The following HAPLN3 variants were observed in gnomAD, a reference collection of about 807,000 sequenced individuals.
HAPLN3 encodes the protein hyaluronan and proteoglycan link protein 3.
HAPLN3 carries 28 observed loss-of-function variants against 28.1 expected under a neutral mutation model. The ratio of observed to expected loss-of-function variants is 1.00; its 90% CI spans 0.74 to 1.37. HAPLN3 has a LOEUF of 1.37. Among genes scored for constraint, HAPLN3 ranks in the 40% most tolerant of loss-of-function variants. The probability of loss-of-function intolerance (pLI) is 0.00; values close to 1 mark genes in which losing one functional copy is unlikely to be tolerated. For missense variants in HAPLN3, 513 were observed against 504.6 expected, an observed-to-expected ratio of 1.02 and a Z score of -0.16; for synonymous variants, 211 against 213.1, an observed-to-expected ratio of 0.99 and a Z score of 0.09.
Position 88,888,141 on chromosome 15 carries a change from G to A in HAPLN3, c.-47-796C>T, listed in dbSNP as rs1336603785. ...TTTTGAGACAGAGTCTCGCTCTGTC[G>A]CCCAGGCTGGAGTGGAGGTTGCTCA... On this transcript the variant is annotated intron_variant, in intron 1 of 4. Coordinates refer to ENST00000359595, the MANE Select transcript of HAPLN3 (RefSeq NM_178232.4). The surrounding 1 kb of genome is among the most constrained non-coding windows in gnomAD (Gnocchi z 4.1). Among the ~76,000 whole-genome samples, 8 of 146,342 alleles carry A rather than the reference G, an allele frequency of 5.5e-5. No individual in the cohort carries two copies. In the East Asian group the frequency reaches 1.2e-3, roughly 22 times the overall value.
chr15:88,883,929 T>C (rs1275192887), intron 2 of HAPLN3, among the ~76,000 whole-genome samples: 2 of 151,826 alleles, frequency 1.3e-5, no homozygotes, highest in African/African-American at 4.8e-5. Context: ...AATACAAAAA[T>C]TAGCTGGGCA....
At chr15:88,893,950 GT>G (rs9286590) in intron 1 of HAPLN3, among the ~76,000 whole-genome samples, 13,350 of 63,010 alleles carry the variant, frequency 0.21, 1,310 homozygotes, top group African/African-American at 0.41. Flanking sequence ...AAAAGTTGGG[GT>G]GGGGGGGGCG....
chr15:88,886,284 G>C (rs1281926125), intron 2 of HAPLN3, among the ~76,000 whole-genome samples: 1 of 149,754 alleles, frequency 6.7e-6, no homozygotes, highest in Non-Finnish European at 1.5e-5. Context: ...CTGGGAGGCA[G>C]AGGCTGCAGT....
chr15:88,882,885 G>A (rs996208116), intron 2 of HAPLN3, among the ~76,000 whole-genome samples: 2 of 152,132 alleles, frequency 1.3e-5, no homozygotes, highest in East Asian at 1.9e-4. Context: ...AGATGCTTGT[G>A]GTCCCAGCTA....
In HAPLN3 at chr15:88,881,559, TG is replaced by T. The variant is rs773433514; in HGVS notation, c.290del (p.Pro97GlnfsTer11). The T allele has an allele frequency of 2.5e-6, 4 of 1,613,954 alleles. No individual in the cohort carries two copies. The African/African-American group carries it at 4.0e-5, about 16-fold the overall frequency. On this transcript the variant is annotated frameshift_variant, in exon 3 of 5. Coordinates refer to ENST00000359595, the MANE Select transcript of HAPLN3 (RefSeq NM_178232.4). LOFTEE classifies it high-confidence loss of function. This position sits in a 1 kb window ranked among gnomAD's most constrained non-coding sequence, Gnocchi z 6.0. ...KWWKLSENGA[P>X]EKDVLVAIGL... is the part of the protein sequence containing the mutation. ...CGATGGCCACCAGCACGTCCTTCTC[TG>T]GGGCCCCGTTCTCCGACAGCTTCCA...
At chr15:88,886,970 G>T (rs992278059) in intron 2 of HAPLN3, among the ~76,000 whole-genome samples, 2 of 152,174 alleles carry the variant, frequency 1.3e-5, no homozygotes, top group Admixed American at 1.3e-4. Flanking sequence ...TAAGTGAATT[G>T]GGCCCCATGA....
In HAPLN3 at chr15:88,877,819, T is replaced by A; in HGVS notation, c.*151A>T. ...GCAAAGGGAGGCATTGGGTTCTGTTTGCTTTACAAAAAATAGTAAAAAAAT... is the reference window on the plus strand; with the variant it reads ...GCAAAGGGAGGCATTGGGTTCTGTTAGCTTTACAAAAAATAGTAAAAAAAT... On this transcript the variant is annotated 3_prime_UTR_variant, in exon 5 of 5. Transcript: ENST00000359595. This position sits in a 1 kb window ranked among gnomAD's most constrained non-coding sequence, Gnocchi z 5.1. 1.3e-6 allele frequency: 1 copy of A among 793,174 alleles called. No homozygotes were observed. Among genetic ancestry groups the A allele is most frequent in the Non-Finnish European group, 1.9e-6 (1 of 516,488 alleles). 49.1% of individuals were successfully genotyped at this position (793,174 alleles called of 1,614,324 possible). A position where few individuals can be genotyped will look rare whatever the true frequency, so the allele number is the denominator to read the frequency against.
chr15:88,877,968 T>C lies in HAPLN3; in HGVS notation c.*2A>G, dbSNP rs780590553. 1 of 1,593,806 alleles carries C rather than the reference T, an allele frequency of 6.3e-7. No homozygotes were observed. Among genetic ancestry groups the C allele is most frequent in the South Asian group, 1.1e-5 (1 of 88,208 alleles). On this transcript the variant is annotated 3_prime_UTR_variant, in exon 5 of 5. Coordinates refer to ENST00000359595, the MANE Select transcript of HAPLN3 (RefSeq NM_178232.4). The surrounding 1 kb of genome is among the most constrained non-coding windows in gnomAD (Gnocchi z 5.1). ...GAATGCGGCAGGGGAGGGCCCCAGGTCCTAGTGCTGGCGGTAGCAGTAAAC... is the reference window on the plus strand; with the variant it reads ...GAATGCGGCAGGGGAGGGCCCCAGGCCCTAGTGCTGGCGGTAGCAGTAAAC...
At chr15:88,886,649 A>AC (rs1897864082) in intron 2 of HAPLN3, among the ~76,000 whole-genome samples, 1 of 151,202 alleles carries the variant, frequency 6.6e-6, no homozygotes, top group South Asian at 2.1e-4. Context: ...ACATGGTGAA[A>AC]CCCCTTCTCT....
At chr15:88,883,870 G>A (rs1296727093) in intron 2 of HAPLN3, among the ~76,000 whole-genome samples, 6 of 152,110 alleles carry the variant, frequency 3.9e-5, no homozygotes, top group African/African-American at 1.2e-4. Context: ...TTGAGGCCAC[G>A]AGTTCGAGAC....
chr15:88,881,764 G>A lies in HAPLN3; in HGVS notation c.125-39C>T. 1 of 1,575,364 alleles carries A rather than the reference G, an allele frequency of 6.3e-7. No individual in the cohort carries two copies. The highest frequency in any genetic ancestry group is 8.6e-7 in the Non-Finnish European group (1 of 1,158,388). On this transcript the variant is annotated intron_variant, in intron 2 of 4. Coordinates refer to ENST00000359595, the MANE Select transcript of HAPLN3 (RefSeq NM_178232.4). The surrounding 1 kb of genome is among the most constrained non-coding windows in gnomAD (Gnocchi z 6.0). ...CAGGGTGCAGATGAGACCTGCTGAA[G>A]CACATCTGTACCCCTGCAAGGGCCA...
chr15:88,878,723 G>A (rs1897605482), intron 4 of HAPLN3, among the ~76,000 whole-genome samples: 2 of 152,230 alleles, frequency 1.3e-5, no homozygotes, highest in South Asian at 2.1e-4. Flanking sequence ...CCCAGCATAT[G>A]GTAGGCACTC....
Position 88,880,556 on chromosome 15 carries a change from T to A in HAPLN3, c.493+801A>T. The stretch of plus-strand genomic sequence containing the variant: ...GCTAAAGTCAGGTCACCTTCCTCTA[T>A]CCCCGAACTGCCTCCCTAACATGTG... On this transcript the variant is annotated intron_variant, in intron 3 of 4. Coordinates refer to ENST00000359595, the MANE Select transcript of HAPLN3 (RefSeq NM_178232.4). The surrounding 1 kb of genome is among the most constrained non-coding windows in gnomAD (Gnocchi z 6.0). 1 of 1,288,292 alleles carries A rather than the reference T, an allele frequency of 7.8e-7. No homozygotes were observed. Among genetic ancestry groups the A allele is most frequent in the South Asian group, 1.2e-5 (1 of 80,968 alleles). The allele number at this position is 1,288,292 out of a possible 1,614,324, so 79.8% of individuals were successfully genotyped here.
chr15:88,878,983 G>A lies in HAPLN3; in HGVS notation c.780C>T (p.Phe260=), dbSNP rs753937906. ...TCCACTCACCCTTGAGGGCAGTAGC[G>A]AAGCAGAATACATCATAGCGGTGCA... The part of the protein sequence containing the change: ...RRLHRYDVFC[F]ATALKGRVYY... The change falls in exon 4 of 5, where the codon TTC becomes TTT. Residue 260 remains phenylalanine, a synonymous_variant. Transcript: ENST00000359595. 17 of 1,609,856 alleles carry A rather than the reference G, an allele frequency of 1.1e-5. No homozygotes were observed. The highest frequency in any genetic ancestry group is 4.0e-5 in the African/African-American group (3 of 74,922).
In HAPLN3 at chr15:88,880,346, T is replaced by C. The variant is rs1897663466; in HGVS notation, c.493+1011A>G. ...GGAATGCGGCCCCTCTGAGCCACCA[T>C]GTAAGCCATGTGGACACTGGTGGCA... On this transcript the variant is annotated intron_variant, in intron 3 of 4. Transcript: ENST00000359595. The surrounding 1 kb of genome is among the most constrained non-coding windows in gnomAD (Gnocchi z 6.0). The C allele has an allele frequency of 1.8e-6, 2 of 1,103,216 alleles. No homozygotes were observed. The highest frequency in any genetic ancestry group is 2.2e-6 in the Non-Finnish European group (2 of 896,188). The allele number at this position is 1,103,216 out of a possible 1,614,324, so 68.3% of individuals were successfully genotyped here. A position where few individuals can be genotyped will look rare whatever the true frequency, so the allele number is the denominator to read the frequency against.
intron 2 of HAPLN3, among the ~76,000 whole-genome samples, chr15:88,882,391 G>T (rs1897729301): frequency 6.6e-6 from 1 of 152,220 alleles, no homozygotes; most frequent in Non-Finnish European, 1.5e-5. Flanking sequence ...CAGGACAAGT[G>T]GCCCTGATAG....
intron 2 of HAPLN3, among the ~76,000 whole-genome samples, chr15:88,884,563 CAATA>C (rs928695137): frequency 6.6e-6 from 1 of 151,706 alleles, no homozygotes; most frequent in Non-Finnish European, 1.5e-5. Flanking sequence ...GACTCTGTCT[CAATA>C]AATAAATAAA....
chr15:88,894,836 C>T (rs1205983969), intron 1 of HAPLN3, among the ~76,000 whole-genome samples: 1 of 152,168 alleles, frequency 6.6e-6, no homozygotes, highest in African/African-American at 2.4e-5. Context: ...ATCTCCCACC[C>T]AGGGCTCTGC....
At position 88,881,643 on chromosome 15, in the gene HAPLN3, G is replaced by C. The variant is rs753898990; in HGVS notation, c.207C>G (p.Pro69=). ...GGGCCGGCTCGTAGCGGTAGCGGCA[G>C]GGCAGGATCACACTGGCCCCTTGGT... is the stretch of plus-strand genomic sequence containing the variant. ...FTYQGASVIL[P]CRYRYEPALV... The change falls in exon 3 of 5, where the codon CCC becomes CCG. Residue 69 remains proline (P), a synonymous_variant. Coordinates refer to ENST00000359595, the MANE Select transcript of HAPLN3 (RefSeq NM_178232.4). The surrounding 1 kb of genome is among the most constrained non-coding windows in gnomAD (Gnocchi z 6.0). 6.2e-7 allele frequency: 1 copy of C among 1,613,930 alleles called. No individual in the cohort carries two copies. Among genetic ancestry groups the C allele is most frequent in the Non-Finnish European group, 8.5e-7 (1 of 1,180,036 alleles).
Sources: gnomAD v4.1 joint callset for allele counts (sites outside exome capture counted in the v4.1 genomes callset) on GRCh38, gnomAD v4.1.1 for gene constraint, Gnocchi (gnomAD v3.1) non-coding constraint, MANE v1.5 for transcripts, NCBI Gene and HGNC (gene_info 2026-07-23, HGNC 2026-07-21) for gene names.